The following LNX1 variants were observed in gnomAD, a reference collection of about 807,000 sequenced individuals.
LNX1 encodes the protein ligand of numb-protein X 1.
LNX1 carries 54 observed loss-of-function variants against 68.4 expected under a neutral mutation model. The ratio of observed to expected loss-of-function variants is 0.79; its 90% CI spans 0.63 to 0.99. The LOEUF is 0.99. LNX1 is among the 50% of genes least tolerant of loss of function. The pLI, the probability that LNX1 is intolerant of heterozygous loss-of-function variation, is 0.00. For missense variants in LNX1, 906 were observed against 926.4 expected, an observed-to-expected ratio of 0.98 and a Z score of 0.29; for synonymous variants, 336 against 350.0, an observed-to-expected ratio of 0.96 and a Z score of 0.45.
chr4:53,502,202 C>T (rs574730931), intron 4 of LNX1, among the ~76,000 whole-genome samples: 1 of 152,334 alleles, frequency 6.6e-6, no homozygotes, highest in South Asian at 2.1e-4. Flanking sequence ...AACACACAGT[C>T]AGCATCCCAA....
Position 53,573,869 on chromosome 4 carries a change from A to AGGCAGATGT in LNX1, c.125_133dup (p.His42_Cys44dup). 1 of 1,613,852 alleles carries AGGCAGATGT rather than the reference A, an allele frequency of 6.2e-7. No individual in the cohort carries two copies. Among genetic ancestry groups the AGGCAGATGT allele is most frequent in the Non-Finnish European group, 8.5e-7 (1 of 1,179,850 alleles). ...GTCCAGGGGGTCCAGCAAAGCCTGC[A>AGGCAGATGT]GGCAGATGTGGCAGATGAGGTCATC... On this transcript the variant is annotated inframe_insertion, in exon 2 of 11. Transcript: ENST00000263925.
intron 2 of LNX1, chr4:53,558,185 G>A (rs1730051812): frequency 2.2e-6 from 3 of 1,337,664 alleles, no homozygotes; most frequent in Non-Finnish European, 2.9e-6. Flanking sequence ...GGAACGCAAG[G>A]AGCCACCACG....
upstream of LNX1, among the ~76,000 whole-genome samples, chr4:53,621,929 AG>A (rs150204623): frequency 0.012 from 1,779 of 152,214 alleles, 34 homozygotes; most frequent in African/African-American, 0.041. Flanking sequence ...GCAATCCTGT[AG>A]GTCTCCCCCA....
chr4:53,585,479 C>A (rs1429485373), intron 1 of LNX1, among the ~76,000 whole-genome samples: 1 of 152,100 alleles, frequency 6.6e-6, no homozygotes, highest in Non-Finnish European at 1.5e-5. Flanking sequence ...CATGTCTTAA[C>A]CCCAGAACCT....
In LNX1 at chr4:53,507,360, G is replaced by A. The variant is rs1381250589; in HGVS notation, c.732C>T (p.Ala244=). ...TKSGSAVANH[A]DQGRENSENT... The stretch of plus-strand genomic sequence containing the variant: ...TTTCAGAATTTTCCCTGCCCTGGTC[G>A]GCATGGTTGGCAACTGCACTCCCGC... The change falls in exon 4 of 11, where the codon GCC becomes GCT. Residue 244 remains alanine (A), a synonymous_variant. Transcript: ENST00000263925. The A allele has an allele frequency of 3.7e-6, 6 of 1,613,964 alleles. No homozygotes were observed. Among genetic ancestry groups the A allele is most frequent in the South Asian group, 3.3e-5 (3 of 91,076 alleles).
intron 2 of LNX1, among the ~76,000 whole-genome samples, chr4:53,573,319 T>C (rs1361474207): frequency 6.6e-6 from 1 of 152,178 alleles, no homozygotes. Flanking sequence ...TGGATGGTGG[T>C]GATAGTTGCA....
At chr4:53,634,451 C>T (rs1734391564) in intron 1 of LNX1, among the ~76,000 whole-genome samples, 1 of 152,072 alleles carries the variant, frequency 6.6e-6, no homozygotes, top group African/African-American at 2.4e-5. Flanking sequence ...ACCATGTTGG[C>T]CAGGCTGGTC....
chr4:53,629,061 T>C (rs540952733), intron 1 of LNX1, among the ~76,000 whole-genome samples: 1 of 152,270 alleles, frequency 6.6e-6, no homozygotes, highest in South Asian at 2.1e-4. Context: ...CACTAAAATA[T>C]CAGAATTTAT....
chr4:53,601,343 C>T (rs1387509234), intron 2 of LNX1, among the ~76,000 whole-genome samples: 2 of 152,146 alleles, frequency 1.3e-5, no homozygotes, highest in Non-Finnish European at 2.9e-5. Flanking sequence ...CCTGAAGTGG[C>T]ATGGTCCACC....
chr4:53,630,874 C>G (rs1577813143), intron 1 of LNX1, among the ~76,000 whole-genome samples: 1 of 152,142 alleles, frequency 6.6e-6, no homozygotes. Context: ...CCTCAAATAT[C>G]AAGAAACAAT....
At chr4:53,558,184 G>T in intron 2 of LNX1, 1 of 1,344,452 alleles carries the variant, frequency 7.4e-7, no homozygotes. Flanking sequence ...AGGAACGCAA[G>T]GAGCCACCAC....
At chr4:53,554,397 A>G (rs574247870) in intron 2 of LNX1, among the ~76,000 whole-genome samples, 1 of 152,362 alleles carries the variant, frequency 6.6e-6, no homozygotes, top group South Asian at 2.1e-4. Context: ...ATTGGCCCTC[A>G]AGGCCAAACC....
intron 6 of LNX1, 53 bp downstream of exon 6, chr4:53,495,965 GCATTC>G (rs1302641279): frequency 1.0e-5 from 16 of 1,562,858 alleles, no homozygotes; most frequent in Admixed American, 1.7e-5. Context: ...AGGGGGATGT[GCATTC>G]TTGCTCATGT....
At chr4:53,644,564 C>T (rs1224528310) in intron 1 of LNX1, among the ~76,000 whole-genome samples, 1 of 152,174 alleles carries the variant, frequency 6.6e-6, no homozygotes, top group Non-Finnish European at 1.5e-5. Flanking sequence ...GAAATTTACA[C>T]AATGAAGTTT....
intron 6 of LNX1, among the ~76,000 whole-genome samples, chr4:53,491,701 G>T (rs1419602724): frequency 2.0e-5 from 3 of 150,418 alleles, no homozygotes; most frequent in African/African-American, 7.4e-5. Context: ...ACACATAGAT[G>T]TTCATAATTT....
intron 8 of LNX1, 114 bp from the exon 9 acceptor site, chr4:53,477,095 G>C: frequency 2.3e-6 from 2 of 884,574 alleles, no homozygotes; most frequent in Admixed American, 3.9e-5. Context: ...AGAGGGCAAA[G>C]GTTTTCTTTG....
At chr4:53,646,717 A>G (rs1026508753) in intron 1 of LNX1, among the ~76,000 whole-genome samples, 1 of 152,264 alleles carries the variant, frequency 6.6e-6, no homozygotes, top group African/African-American at 2.4e-5. Context: ...AGCCATGCTA[A>G]TGTGGGGCCA....
intron 5 of LNX1, among the ~76,000 whole-genome samples, chr4:53,498,190 AG>A (rs1196183146): frequency 1.3e-5 from 2 of 152,222 alleles, no homozygotes; most frequent in Non-Finnish European, 2.9e-5. Flanking sequence ...ACTTTCAAAA[AG>A]TAGATGATTG....
At chr4:53,574,701 T>A (rs1323232999) in intron 1 of LNX1, among the ~76,000 whole-genome samples, 1 of 152,240 alleles carries the variant, frequency 6.6e-6, no homozygotes, top group African/African-American at 2.4e-5. Context: ...ATCCCACCAC[T>A]ATGGGCCAAT....
Sources: allele counts gnomAD v4.1 joint callset (sites outside exome capture counted in the v4.1 genomes callset), GRCh38; gene constraint gnomAD v4.1.1; transcripts MANE v1.5; gene names NCBI Gene and HGNC (gene_info 2026-07-23, HGNC 2026-07-21).